Variants in GOLGA3 observed in about 807,000 individuals in gnomAD.
GOLGA3 encodes the protein golgin A3, also known as golgin subfamily A member 3.
GOLGA3 carries 75 observed loss-of-function variants against 169.4 expected under a neutral mutation model. The ratio of observed to expected loss-of-function variants is 0.44; its 90% CI spans 0.37 to 0.54. The LOEUF (loss-of-function observed/expected upper bound fraction) is 0.54. Ranked by LOEUF, GOLGA3 falls within the 20% of genes least tolerant of loss-of-function variation. The pLI, the probability that GOLGA3 is intolerant of heterozygous loss-of-function variation, is 0.00. For missense variants in GOLGA3, 1,899 were observed against 1,930.0 expected (o/e 0.98, Z 0.30); for synonymous variants, 824 against 822.4 (o/e 1.00, Z -0.03).
At chr12:132,791,390 T>C (rs1002845471) in intron 11 of GOLGA3, 97 bp from the exon 12 acceptor site, 9 of 661,796 alleles carry the variant, frequency 1.4e-5, no homozygotes, top group Non-Finnish European at 2.4e-5. Context: ...GGGGAACACA[T>C]CTGCACAAAT....
At chr12:132,824,678 A>G (rs911346838) in intron 1 of GOLGA3, among the ~76,000 whole-genome samples, 8 of 152,158 alleles carry the variant, frequency 5.3e-5, no homozygotes, top group Admixed American at 4.6e-4. Context: ...TCTCAATCTC[A>G]TGTTTGCGTC....
rs759944340 is a variant in GOLGA3, at chr12:132,808,234, T to A, written c.835A>T (p.Ser279Cys). 6.2e-7 allele frequency: 1 copy of A among 1,614,078 alleles called. No homozygotes were observed. The highest frequency in any genetic ancestry group is 8.5e-7 in the Non-Finnish European group (1 of 1,180,006). Reference sequence around the variant, plus strand: ...ATCTCAGACACAACGGACGCCGCACTGCTTCTGTTCTGCTTCAGGGAACCC... The same window carrying A: ...ATCTCAGACACAACGGACGCCGCACAGCTTCTGTTCTGCTTCAGGGAACCC... ...TKGSLKQNRS[S>C]AASVVSEISL... Residue 279 changes from serine to cysteine, a missense_variant, in exon 5 of 24, where the codon AGT (serine) becomes TGT (cysteine). Transcript: ENST00000450791.
At chr12:132,819,756 T>TA (rs1186750340) in intron 2 of GOLGA3, among the ~76,000 whole-genome samples, 1 of 152,104 alleles carries the variant, frequency 6.6e-6, no homozygotes, top group African/African-American at 2.4e-5. Context: ...GTTACTGGGT[T>TA]AGGCCGGGCG....
chr12:132,780,665 T>C, intron 18 of GOLGA3, 133 bp downstream of exon 18: 1 of 681,492 alleles, frequency 1.5e-6, no homozygotes, highest in South Asian at 1.7e-5. Context: ...GCGGCCTCCG[T>C]CACCAACAAC....
chr12:132,816,904 T>A, intron 2 of GOLGA3, 92 bp from the exon 3 acceptor site: 1 of 1,121,400 alleles, frequency 8.9e-7, no homozygotes, highest in East Asian at 2.6e-5. Flanking sequence ...GAGAAGAGGA[T>A]CCAGACTCAT....
intron 2 of GOLGA3, among the ~76,000 whole-genome samples, chr12:132,821,280 G>A (rs1347009860): frequency 6.6e-6 from 1 of 151,240 alleles, no homozygotes; most frequent in African/African-American, 2.4e-5. Flanking sequence ...GGTAGCGCAT[G>A]CCTGTAATCC....
intron 18 of GOLGA3, among the ~76,000 whole-genome samples, chr12:132,778,526 G>A (rs1022803288): frequency 5.3e-5 from 8 of 151,332 alleles, no homozygotes; most frequent in South Asian, 2.1e-4. Context: ...AGCCGAGATC[G>A]CGCCACTGCA....
intron 13 of GOLGA3, among the ~76,000 whole-genome samples, chr12:132,787,104 C>A (rs934671958): frequency 2.0e-5 from 3 of 152,118 alleles, no homozygotes; most frequent in Non-Finnish European, 1.5e-5. Context: ...CAGGTGCCCG[C>A]CACCATGCCC....
chr12:132,784,067 G>A (rs750979513), intron 16 of GOLGA3, 97 bp downstream of exon 16: 82 of 1,568,968 alleles, frequency 5.2e-5, no homozygotes, highest in African/African-American at 1.8e-4. Flanking sequence ...CTGGGCACAC[G>A]GTGAAGTTTT....
In GOLGA3 at chr12:132,777,261, C is replaced by T. The variant is rs889658263; in HGVS notation, c.3723-171G>A. ...ACAGTGTGCACTCGGGCAGTCCTCA[C>T]GAAGCACCTGAGACTCACACTTCAC... On this transcript the variant is annotated intron_variant, in intron 19 of 23. Transcript: ENST00000450791. This position sits in a 1 kb window ranked among gnomAD's most constrained non-coding sequence, Gnocchi z 4.7. Among the ~76,000 whole-genome samples the T allele has an allele frequency of 2.6e-4, 39 of 152,176 alleles. No homozygotes were observed. Among genetic ancestry groups the T allele is most frequent in the African/African-American group, 8.7e-4 (36 of 41,440 alleles).
chr12:132,780,133 G>C (rs2136294316), intron 18 of GOLGA3, among the ~76,000 whole-genome samples: 1 of 71,602 alleles, frequency 1.4e-5, no homozygotes, highest in African/African-American at 5.3e-5. Context: ...ACACACCCCA[G>C]GCACACGTGT....
intron 3 of GOLGA3, among the ~76,000 whole-genome samples, chr12:132,816,014 C>CTA (rs1949942233): frequency 6.6e-6 from 1 of 152,188 alleles, no homozygotes; most frequent in African/African-American, 2.4e-5. Flanking sequence ...TTGACTAACA[C>CTA]GGTGAAACCC....
chr12:132,820,673 C>T (rs548759291), intron 2 of GOLGA3, among the ~76,000 whole-genome samples: 20 of 152,182 alleles, frequency 1.3e-4, no homozygotes, highest in Non-Finnish European at 2.2e-4. Flanking sequence ...GAGTGAATAA[C>T]TAAGTCACCC....
chr12:132,813,250 C>T, intron 4 of GOLGA3, 57 bp downstream of exon 4: 1 of 1,184,272 alleles, frequency 8.4e-7, no homozygotes, highest in Non-Finnish European at 1.3e-6. Context: ...GTGGGACCAA[C>T]AGTTGTCTCT....
At position 132,796,030 on chromosome 12, in the gene GOLGA3, C is replaced by G; in HGVS notation, c.2291G>C (p.Arg764Thr). 1 of 1,612,834 alleles carries G rather than the reference C, an allele frequency of 6.2e-7. No homozygotes were observed. Among genetic ancestry groups the G allele is most frequent in the Non-Finnish European group, 8.5e-7 (1 of 1,180,012 alleles). Residue 764 changes from arginine to threonine, a missense_variant, in exon 11 of 24, where the codon AGG (arginine) becomes ACG (threonine). Arg to Thr is a moderately conservative substitution (Grantham distance 71). Coordinates refer to ENST00000450791, the MANE Select transcript of GOLGA3 (RefSeq NM_001389683.1). ...CTGCAGGAGGCAGATCGTGTCCTCCCTGGAGGCGGCCTCGCCCTGCAGCTC... is the reference window on the plus strand; with the variant it reads ...CTGCAGGAGGCAGATCGTGTCCTCCGTGGAGGCGGCCTCGCCCTGCAGCTC... ...LGELQGEAAS[R>T]EDTICLLQNE...
chr12:132,786,609 G>A (rs922348128), intron 14 of GOLGA3, 54 bp from the exon 15 acceptor site: 90 of 1,593,712 alleles, frequency 5.6e-5, no homozygotes, highest in South Asian at 1.2e-4. Context: ...CGATGTGACC[G>A]TCTGGCATTC....
intron 16 of GOLGA3, chr12:132,783,787 A>T: frequency 1.6e-6 from 1 of 624,254 alleles, no homozygotes; most frequent in Non-Finnish European, 2.4e-6. Context: ...CATGTCGGCC[A>T]GGCTGGTCTC....
chr12:132,804,151 G>A lies in GOLGA3; in HGVS notation c.1597+565C>T, dbSNP rs1593326870. 6.6e-6 allele frequency among the ~76,000 whole-genome samples: 1 copy of A among 152,240 alleles called. No homozygotes were observed. Among genetic ancestry groups the A allele is most frequent in the Non-Finnish European group, 1.5e-5 (1 of 68,046 alleles). ...TCTGGGCGAGCCCTATAGGGAGGCA[G>A]CTGGACCGACGCACTGCATCCAGGG... On this transcript the variant is annotated intron_variant, in intron 7 of 23. Coordinates refer to ENST00000450791, the MANE Select transcript of GOLGA3 (RefSeq NM_001389683.1). The surrounding 1 kb of genome is among the most constrained non-coding windows in gnomAD (Gnocchi z 4.1).
In GOLGA3 at chr12:132,796,693, A is replaced by C. The variant is rs771048249; in HGVS notation, c.1946T>G (p.Met649Arg). Residue 649 changes from methionine to arginine, a missense_variant, in exon 10 of 24, where the codon ATG becomes AGG. By Grantham distance (91) the Met-to-Arg change is moderately conservative. Transcript: ENST00000450791. ...CATGAAGGCTGCTTCCTGATCCAAC[A>C]TGTCAGCCTGAGCCCAGGAAACTTG... ...AAQLQGIEAD[M>R]LDQEAAFMQI... 1 of 1,613,640 alleles carries C rather than the reference A, an allele frequency of 6.2e-7. No individual in the cohort carries two copies. The highest frequency in any genetic ancestry group is 8.5e-7 in the Non-Finnish European group (1 of 1,179,874).
Sources: allele counts gnomAD v4.1 joint callset (sites outside exome capture counted in the v4.1 genomes callset), GRCh38; gene constraint gnomAD v4.1.1; non-coding constraint Gnocchi (gnomAD v3.1); transcripts MANE v1.5; gene names NCBI Gene and HGNC (gene_info 2026-07-23, HGNC 2026-07-21).